The following TMOD1 variants were observed in gnomAD, a reference collection of about 807,000 sequenced individuals.
TMOD1 encodes the protein tropomodulin 1.
In TMOD1, 17 loss-of-function variants were observed where a neutral mutation model predicts 40.6. That is an observed-to-expected ratio of 0.42 (90% CI 0.29 to 0.63). TMOD1 has a LOEUF of 0.63. Among genes scored for constraint, TMOD1 ranks in the 20% least tolerant of loss-of-function variants. The pLI, the probability that TMOD1 is intolerant of heterozygous loss-of-function variation, is 0.22. For synonymous variants in TMOD1, 181 were observed against 175.0 expected, an observed-to-expected ratio of 1.03 and a Z score of -0.27; for missense variants, 391 against 447.6, an observed-to-expected ratio of 0.87 and a Z score of 1.14.
chr9:97,594,465 T>C (rs568881386), intron 9 of TMOD1, among the ~76,000 whole-genome samples: 44 of 152,332 alleles, frequency 2.9e-4, no homozygotes, highest in African/African-American at 1.1e-3. Context: ...TCCTCGGGAC[T>C]GAGGCTGTTA....
intron 2 of TMOD1, among the ~76,000 whole-genome samples, chr9:97,539,658 A>C (rs1367004843): frequency 6.6e-6 from 1 of 152,152 alleles, no homozygotes; most frequent in Non-Finnish European, 1.5e-5. Flanking sequence ...CATAGCATAC[A>C]ATCATCCACT....
chr9:97,579,866 C>T (rs1397963220), intron 8 of TMOD1, among the ~76,000 whole-genome samples: 1 of 152,044 alleles, frequency 6.6e-6, no homozygotes, highest in Non-Finnish European at 1.5e-5. Context: ...CAGGAAAAGC[C>T]TCTTGGGGAG....
chr9:97,523,423 CG>C (rs1829948164), intron 1 of TMOD1, among the ~76,000 whole-genome samples: 1 of 152,142 alleles, frequency 6.6e-6, no homozygotes, highest in South Asian at 2.1e-4. Flanking sequence ...CCCCTGGCCA[CG>C]CCATTGGGTG....
chr9:97,573,744 C>T (rs183434396), intron 8 of TMOD1, among the ~76,000 whole-genome samples: 7 of 152,228 alleles, frequency 4.6e-5, no homozygotes, highest in East Asian at 3.9e-4. Context: ...GTTGGAGTGT[C>T]CTCACAATAT....
At chr9:97,541,336 C>T (rs982911401) in intron 2 of TMOD1, among the ~76,000 whole-genome samples, 3 of 151,980 alleles carry the variant, frequency 2.0e-5, no homozygotes, top group Non-Finnish European at 4.4e-5. Flanking sequence ...TGCAGATGTG[C>T]GCCACCATGC....
At chr9:97,503,556 G>A (rs917356757) in intron 1 of TMOD1, among the ~76,000 whole-genome samples, 3 of 152,176 alleles carry the variant, frequency 2.0e-5, no homozygotes, top group African/African-American at 7.2e-5. Flanking sequence ...TAATGAGCTA[G>A]TCTTACAAAC....
At chr9:97,578,494 C>T (rs1206025017) in intron 8 of TMOD1, among the ~76,000 whole-genome samples, 2 of 152,160 alleles carry the variant, frequency 1.3e-5, no homozygotes, top group South Asian at 2.1e-4. Context: ...TGTACCTTGT[C>T]GCACATGCCC....
intron 2 of TMOD1, among the ~76,000 whole-genome samples, chr9:97,532,412 C>T (rs1480738178): frequency 1.3e-5 from 2 of 152,168 alleles, no homozygotes; most frequent in Non-Finnish European, 2.9e-5. Context: ...TCCCCTCCCT[C>T]GGGAAGCCTT....
At chr9:97,565,729 A>G (rs1460306090) in intron 6 of TMOD1, 119 bp from the exon 7 acceptor site, 1 of 761,012 alleles carries the variant, frequency 1.3e-6, no homozygotes, top group Non-Finnish European at 2.2e-6. Context: ...CCTTTTGCCC[A>G]TTCAGCTTTT....
chr9:97,591,464 C>A, intron 9 of TMOD1, 29 bp downstream of exon 9: 7 of 1,608,518 alleles, frequency 4.4e-6, no homozygotes, highest in Non-Finnish European at 5.9e-6. Context: ...CCTGCCCTGC[C>A]CGCAGTCCTG....
Position 97,601,264 on chromosome 9 carries a change from ATG to A in TMOD1, c.*1570_*1571del. The A allele has an allele frequency of 2.5e-6, 3 of 1,206,298 alleles. No homozygotes were observed. Among genetic ancestry groups the A allele is most frequent in the Middle Eastern group, 2.3e-4 (1 of 4,296 alleles). The allele number at this position is 1,206,298 out of a possible 1,614,324, so 74.7% of individuals were successfully genotyped here. A position where few individuals can be genotyped will look rare whatever the true frequency, so the allele number is the denominator to read the frequency against. ...TCTGTTGGTCTATGCATGGCTGCGT[ATG>A]TGTTTCTTGGAACCTGTGTGACAGG... On this transcript the variant is annotated 3_prime_UTR_variant, in exon 10 of 10. Coordinates refer to ENST00000259365, the MANE Select transcript of TMOD1 (RefSeq NM_003275.4).
chr9:97,562,608 A>G, intron 4 of TMOD1, 124 bp from the exon 5 acceptor site: 1 of 635,956 alleles, frequency 1.6e-6, no homozygotes. Flanking sequence ...AAAATTTTGA[A>G]GTTTTCATGC....
rs553846665 is a variant in TMOD1, at chr9:97,582,140, G to A, written c.871-9151G>A. On this transcript the variant is annotated intron_variant, in intron 8 of 9. Transcript: ENST00000259365. ...GGGTTTTTATGGTTTTAGGTCTAACGTTTAAGTCTTTAATCCATCTTGAAT... is the reference window on the plus strand; with the variant it reads ...GGGTTTTTATGGTTTTAGGTCTAACATTTAAGTCTTTAATCCATCTTGAAT... Among the ~76,000 whole-genome samples, 191 of 152,064 alleles carry A rather than the reference G, an allele frequency of 1.3e-3. 4 individuals carry two copies. In the East Asian group the frequency reaches 0.033, roughly 26 times the overall value.
intron 2 of TMOD1, among the ~76,000 whole-genome samples, chr9:97,545,643 T>G (rs1399608099): frequency 2.6e-5 from 4 of 152,130 alleles, no homozygotes; most frequent in African/African-American, 9.7e-5. Context: ...AGGGCACTGC[T>G]CACCTCGCTG....
intron 2 of TMOD1, among the ~76,000 whole-genome samples, chr9:97,531,535 TG>T (rs1830102707): frequency 6.6e-6 from 1 of 152,096 alleles, no homozygotes; most frequent in Admixed American, 6.5e-5. Context: ...TGTTCGGACC[TG>T]GGAGGCGGAG....
chr9:97,574,212 T>G (rs1830872529), intron 8 of TMOD1, among the ~76,000 whole-genome samples: 1 of 151,194 alleles, frequency 6.6e-6, no homozygotes, highest in Non-Finnish European at 1.5e-5. Flanking sequence ...TGCGGGGAGG[T>G]GTGGAGGGAG....
At chr9:97,594,844 C>T (rs1587966808) in intron 9 of TMOD1, among the ~76,000 whole-genome samples, 1 of 67,972 alleles carries the variant, frequency 1.5e-5, no homozygotes, top group South Asian at 6.5e-4. Flanking sequence ...AGCAAAGAGC[C>T]AGGCCAAGCA....
chr9:97,597,490 A>T (rs1262085140), intron 9 of TMOD1, among the ~76,000 whole-genome samples: 1 of 152,028 alleles, frequency 6.6e-6, no homozygotes, highest in Non-Finnish European at 1.5e-5. Flanking sequence ...TGAGGTCAGG[A>T]GATCAAGACC....
rs1826214890 is a variant in TMOD1, at chr9:97,599,903, A to G, written c.*205A>G. Reference sequence around the variant, plus strand: ...TAATGTGAAGTTTTTCTTTAGTCACAGAAGTTGAATCTGGTTATTATTTAA... The same window carrying G: ...TAATGTGAAGTTTTTCTTTAGTCACGGAAGTTGAATCTGGTTATTATTTAA... On this transcript the variant is annotated 3_prime_UTR_variant, in exon 10 of 10. Coordinates refer to ENST00000259365, the MANE Select transcript of TMOD1 (RefSeq NM_003275.4). 2 of 1,351,236 alleles carry G rather than the reference A, an allele frequency of 1.5e-6. No individual in the cohort carries two copies. The highest frequency in any genetic ancestry group is 2.9e-4 in the Middle Eastern group (1 of 3,502). 83.7% of individuals were successfully genotyped at this position (1,351,236 alleles called of 1,614,324 possible).
Sources: gnomAD v4.1 joint callset for allele counts (sites outside exome capture counted in the v4.1 genomes callset) on GRCh38, gnomAD v4.1.1 for gene constraint, MANE v1.5 for transcripts, NCBI Gene and HGNC (gene_info 2026-07-23, HGNC 2026-07-21) for gene names.